Variants in ZNF704 observed in about 807,000 individuals in gnomAD.
ZNF704 encodes glucocorticoid induced gene 1.
A neutral mutation model predicts 44.7 loss-of-function variants in ZNF704; 10 were observed. That is an observed-to-expected ratio of 0.22 (90% CI 0.14 to 0.38). The LOEUF (loss-of-function observed/expected upper bound fraction) is 0.38, where lower values mean the gene tolerates loss of function less well. ZNF704 is among the 10% of genes least tolerant of loss of function. ZNF704 has a pLI of 1.00. For synonymous variants in ZNF704, 211 were observed against 207.6 expected (o/e 1.02, Z -0.14); for missense variants, 390 against 545.5 (o/e 0.71, Z 2.84).
At chr8:80,687,133 A>T in intron 4 of ZNF704, 93 bp downstream of exon 4, 1 of 1,016,608 alleles carries the variant, frequency 9.8e-7, no homozygotes, top group Non-Finnish European at 1.5e-6. Flanking sequence ...AAGGGGGTGT[A>T]GGTCCAAGGT....
chr8:80,859,813 G>A (rs143736788), intron 1 of ZNF704, among the ~76,000 whole-genome samples: 218 of 152,210 alleles, frequency 1.4e-3, no homozygotes, highest in African/African-American at 4.9e-3. Flanking sequence ...ACAGAAAAGC[G>A]ACACAGAGAG....
At chr8:80,700,867 T>C (rs775665542) in intron 2 of ZNF704, among the ~76,000 whole-genome samples, 16 of 152,114 alleles carry the variant, frequency 1.1e-4, no homozygotes, top group Non-Finnish European at 2.1e-4. Flanking sequence ...ATTGCCCCAC[T>C]TCAACTCCCC....
intron 2 of ZNF704, 91 bp downstream of exon 2, chr8:80,821,283 T>A: frequency 2.3e-6 from 3 of 1,318,984 alleles, no homozygotes; most frequent in Non-Finnish European, 2.2e-6. Context: ...TATGTCTATA[T>A]ACTGAAGAGA....
At chr8:80,653,741 A>G (rs1817961601) in intron 7 of ZNF704, among the ~76,000 whole-genome samples, 1 of 152,236 alleles carries the variant, frequency 6.6e-6, no homozygotes, top group Non-Finnish European at 1.5e-5. Context: ...GGAAGAATCA[A>G]TATCGTGAAA....
chr8:80,869,730 GACTT>G (rs1408735548), intron 1 of ZNF704, among the ~76,000 whole-genome samples: 11 of 152,300 alleles, frequency 7.2e-5, no homozygotes, highest in African/African-American at 2.6e-4. Flanking sequence ...TGGAACCTGT[GACTT>G]ACTTCTAACC....
chr8:80,777,963 A>G (rs1333308247), intron 2 of ZNF704, among the ~76,000 whole-genome samples: 2 of 152,134 alleles, frequency 1.3e-5, no homozygotes, highest in East Asian at 3.9e-4. Flanking sequence ...GCTCTTAAGA[A>G]CAAGGGCGTT....
At chr8:80,803,774 CAA>C (rs1807940693) in intron 2 of ZNF704, among the ~76,000 whole-genome samples, 1 of 152,070 alleles carries the variant, frequency 6.6e-6, no homozygotes, top group Non-Finnish European at 1.5e-5. Flanking sequence ...TAGGCACAGG[CAA>C]AGACTTCATG....
intron 2 of ZNF704, among the ~76,000 whole-genome samples, chr8:80,796,932 A>AAAGGGAAAGAGAAAGGGAAGGG (rs1807813262): frequency 1.1e-5 from 1 of 87,496 alleles, no homozygotes; most frequent in Non-Finnish European, 2.1e-5. Flanking sequence ...AAGGGAAGGG[A>AAAGGGAAAGAGAAAGGGAAGGG]AAAGGAAAAG....
intron 7 of ZNF704, among the ~76,000 whole-genome samples, chr8:80,657,817 T>C (rs1818040379): frequency 1.3e-5 from 2 of 152,114 alleles, no homozygotes; most frequent in Non-Finnish European, 2.9e-5. Context: ...ATGTTTTATA[T>C]ATCATATATA....
At chr8:80,669,672 C>T (rs1369947334) in intron 5 of ZNF704, among the ~76,000 whole-genome samples, 1 of 152,196 alleles carries the variant, frequency 6.6e-6, no homozygotes, top group African/African-American at 2.4e-5. Flanking sequence ...GTGGAAAGGA[C>T]TCCTCTGTGT....
At chr8:80,884,198 AG>A in the ZNF704 span, among the ~76,000 whole-genome samples, 2,090 of 152,360 alleles carry the variant, frequency 0.014, 51 homozygotes, top group African/African-American at 0.048. Context: ...AAACCATTGT[AG>A]ATATAAAGAC....
intron 2 of ZNF704, among the ~76,000 whole-genome samples, chr8:80,808,100 T>A (rs1021321846): frequency 6.6e-6 from 1 of 152,336 alleles, no homozygotes; most frequent in Non-Finnish European, 1.5e-5. Flanking sequence ...ACACATGGGG[T>A]AAGTCCAAAG....
chr8:80,872,938 A>G (rs556384103), intron 1 of ZNF704, among the ~76,000 whole-genome samples: 14 of 152,240 alleles, frequency 9.2e-5, no homozygotes, highest in African/African-American at 3.4e-4. Flanking sequence ...GCGAGGGTCA[A>G]TGCCAAAAAC....
chr8:80,836,725 G>A (rs1808589209), intron 1 of ZNF704, among the ~76,000 whole-genome samples: 1 of 152,088 alleles, frequency 6.6e-6, no homozygotes, highest in Admixed American at 6.6e-5. Context: ...GGAAGTTGAG[G>A]CTGCAATGAG....
chr8:80,873,992 C>G (rs1353703231), intron 1 of ZNF704, among the ~76,000 whole-genome samples: 2 of 146,078 alleles, frequency 1.4e-5, no homozygotes, highest in African/African-American at 4.9e-5. Context: ...CAGCGCGGCG[C>G]CCCCCCGGCG....
intron 2 of ZNF704, among the ~76,000 whole-genome samples, chr8:80,820,212 A>G (rs1808245929): frequency 6.6e-6 from 1 of 152,200 alleles, no homozygotes; most frequent in Admixed American, 6.5e-5. Context: ...ATAAAGCATG[A>G]ACAGAGTAAT....
rs374183171 is a variant in ZNF704, at chr8:80,634,904, G to C, written c.*6462C>G. ...ATGCTAACAATGGAGACATTCCAAG[G>C]AGTGAAAACAGAGATTTGCAAGACG... is the stretch of plus-strand genomic sequence containing the variant. On this transcript the variant is annotated 3_prime_UTR_variant, in exon 9 of 9. Coordinates refer to ENST00000327835, the MANE Select transcript of ZNF704 (RefSeq NM_001033723.3). The C allele has an allele frequency of 1.1e-4, 17 of 152,316 alleles. 1 individual carries two copies. Among genetic ancestry groups the C allele is most frequent in the African/African-American group, 3.8e-4 (16 of 41,568 alleles). 9.4% of individuals were successfully genotyped at this position (152,316 alleles called of 1,614,324 possible). A position where few individuals can be genotyped will look rare whatever the true frequency, so the allele number is the denominator to read the frequency against.
At chr8:80,794,470 C>T (rs1278666669) in intron 2 of ZNF704, among the ~76,000 whole-genome samples, 1 of 152,102 alleles carries the variant, frequency 6.6e-6, no homozygotes, top group East Asian at 1.9e-4. Flanking sequence ...AAACAGCTCA[C>T]ATAAAAGACA....
rs566206407 is a variant in ZNF704, at chr8:80,748,944, C to T, written c.222-55837G>A. 6.6e-5 allele frequency among the ~76,000 whole-genome samples: 10 copies of T among 152,300 alleles called. No individual in the cohort carries two copies. The South Asian group carries it at 2.1e-3, about 32-fold the overall frequency. On this transcript the variant is annotated intron_variant, in intron 2 of 8. Coordinates refer to ENST00000327835, the MANE Select transcript of ZNF704 (RefSeq NM_001033723.3). ...CATTTAACAAATACTTATTTAGCAA[C>T]TAATGGTTCCAATCATTTTTCCTGG...
Sources: gnomAD v4.1 joint callset for allele counts (sites outside exome capture counted in the v4.1 genomes callset) on GRCh38, gnomAD v4.1.1 for gene constraint, MANE v1.5 for transcripts, NCBI Gene and HGNC (gene_info 2026-07-23, HGNC 2026-07-21) for gene names.